TAF1: variants seen among roughly 807,000 people sequenced by gnomAD.
The protein encoded by TAF1 is transcription initiation factor TFIID subunit 1.
Under a neutral mutation model 138.5 loss-of-function variants are expected in TAF1, and 2 were observed. The observed-to-expected ratio is 0.01, with a 90% CI of 0.01 to 0.05. The LOEUF (loss-of-function observed/expected upper bound fraction) is 0.05, where lower values mean the gene tolerates loss of function less well. TAF1 is among the 10% of genes least tolerant of loss of function. The probability of loss-of-function intolerance (pLI) is 1.00; values close to 1 mark genes in which losing one functional copy is unlikely to be tolerated. For synonymous variants in TAF1, 437 were observed against 503.2 expected (o/e 0.87, Z 1.76); for missense variants, 709 against 1,478.0 (o/e 0.48, Z 8.53).
intron 13 of TAF1, chrX:71,491,749 C>T (rs2039289559): frequency 9.4e-6 from 1 of 106,706 alleles, no homozygotes; most frequent in African/African-American, 3.5e-5. Context: ...GCAAGCTCCA[C>T]CTCCCAGGTT....
chrX:71,499,871 C>A (rs1486522603), intron 13 of TAF1, among the ~76,000 whole-genome samples: 1 of 111,899 alleles, frequency 8.9e-6, no homozygotes. Context: ...CAAGTGAGAT[C>A]GAAGGTTTGC....
intron 32 of TAF1, among the ~76,000 whole-genome samples, chrX:71,443,027 T>C (rs2037507555): frequency 8.9e-6 from 1 of 112,047 alleles, no homozygotes; most frequent in South Asian, 3.7e-4. Flanking sequence ...TCTGTATCTG[T>C]TTTGGTACCA....
rs955031945 is a variant in TAF1, at chrX:71,459,858, T to C, written c.5221+150T>C. ...TAATAGACCTGAGAGTACTGAGCAC[T>C]CAGGCGTAGGATGATCATATTCATT... On this transcript the variant is annotated intron_variant, in intron 36 of 37. Transcript: ENST00000423759. 12 of 1,010,291 alleles carry C rather than the reference T, an allele frequency of 1.2e-5. No homozygotes were observed. In the African/African-American group the frequency reaches 2.3e-4, roughly 20 times the overall value. 83.3% of individuals were successfully genotyped at this position (1,010,291 alleles called of 1,213,427 possible). A position where few individuals can be genotyped will look rare whatever the true frequency, so the allele number is the denominator to read the frequency against.
chrX:71,430,079 T>A (rs1487025384), intron 32 of TAF1, among the ~76,000 whole-genome samples: 1 of 111,666 alleles, frequency 9.0e-6, no homozygotes, highest in East Asian at 2.8e-4. Context: ...TAGGAAATTG[T>A]TTAAAAAATG....
At chrX:71,457,196 A>G (rs952982151) in intron 34 of TAF1, among the ~76,000 whole-genome samples, 2 of 112,107 alleles carry the variant, frequency 1.8e-5, no homozygotes, top group East Asian at 5.5e-4. Context: ...CCTCTTCTGA[A>G]TCAGTTTTGT....
intron 25 of TAF1, among the ~76,000 whole-genome samples, chrX:71,406,416 T>G (rs1210301537): frequency 9.1e-6 from 1 of 109,862 alleles, no homozygotes; most frequent in Non-Finnish European, 1.9e-5. Flanking sequence ...AATAGGAAAC[T>G]GAGGTAAAAT....
chrX:71,524,752 C>T (rs1293931647), intron 13 of TAF1, among the ~76,000 whole-genome samples: 6 of 109,346 alleles, frequency 5.5e-5, no homozygotes, highest in African/African-American at 1.7e-4. Flanking sequence ...ACCAGCCTGG[C>T]CAACATGGTG....
chrX:71,447,689 A>G (rs191810440), intron 32 of TAF1, among the ~76,000 whole-genome samples: 131 of 102,227 alleles, frequency 1.3e-3, no homozygotes, highest in African/African-American at 4.5e-3. Context: ...AGAGCGAGAC[A>G]CTGTGTCAAA....
rs753581093 is a variant in TAF1 at position 71,458,154 on chromosome X, T to G, written c.4939-87T>G. On this transcript the variant is annotated intron_variant, in intron 34 of 37. Transcript: ENST00000423759. ...AACTGAATTGCTCTGCATGATCTTT[T>G]TCTCCAGTAAATGCCTTAAAGGGGA... 8.0e-5 allele frequency: 87 copies of G among 1,081,275 alleles called. No homozygotes were observed. The African/African-American group carries it at 1.5e-3, about 18-fold the overall frequency. 89.1% of individuals were successfully genotyped at this position (1,081,275 alleles called of 1,213,427 possible). A position where few individuals can be genotyped will look rare whatever the true frequency, so the allele number is the denominator to read the frequency against.
intron 32 of TAF1, among the ~76,000 whole-genome samples, chrX:71,440,885 T>C (rs1297224310): frequency 9.0e-6 from 1 of 111,231 alleles, no homozygotes; most frequent in Non-Finnish European, 1.9e-5. Flanking sequence ...CATCTTTTCA[T>C]GTGCCATCTG....
At chrX:71,375,391 A>G in intron 4 of TAF1, 105 bp downstream of exon 4, 1 of 1,002,710 alleles carries the variant, frequency 1.0e-6, no homozygotes, top group East Asian at 3.4e-5. Context: ...ATGAAGGGAC[A>G]AAACTTCTAG....
In TAF1 at chrX:71,463,984, G is replaced by A. The variant is rs1406838285; in HGVS notation, c.5560G>A (p.Glu1854Lys). The A allele has an allele frequency of 8.3e-7, 1 of 1,202,311 alleles. No homozygotes were observed. The highest frequency in any genetic ancestry group is 1.1e-6 in the Non-Finnish European group (1 of 890,514). The change falls in exon 38 of 38, where the codon GAG becomes AAG. Residue 1854 changes from glutamate to lysine, a missense_variant. Glu to Lys is a moderately conservative substitution (Grantham distance 56, BLOSUM62 1). This residue lies in a region of TAF1 where 123 missense variants were observed against 174.7 expected (regional missense o/e 0.70). Coordinates refer to ENST00000423759, the MANE Select transcript of TAF1 (RefSeq NM_004606.5). Reference protein sequence around the residue: ...VLSQVHLSEDEEDSEDFHSIA... With the variant: ...VLSQVHLSEDKEDSEDFHSIA... Reference sequence around the variant, plus strand: ...AAGCCAGGTCCACCTGTCAGAGGACGAGGAGGACAGTGAGGATTTCCACTC... The same window carrying A: ...AAGCCAGGTCCACCTGTCAGAGGACAAGGAGGACAGTGAGGATTTCCACTC...
chrX:71,490,906 G>A (rs1213025161), intron 13 of TAF1, among the ~76,000 whole-genome samples: 1 of 109,504 alleles, frequency 9.1e-6, no homozygotes, highest in East Asian at 2.8e-4. Context: ...TAGTAGAGAT[G>A]GGGTTTCGCC....
At chrX:71,432,986 T>C (rs971588053) in intron 32 of TAF1, among the ~76,000 whole-genome samples, 3 of 112,228 alleles carry the variant, frequency 2.7e-5, no homozygotes, top group Non-Finnish European at 5.6e-5. Context: ...CCTTCTGCAT[T>C]ACCTAGTTTT....
intron 13 of TAF1, among the ~76,000 whole-genome samples, chrX:71,505,852 C>A (rs2039611719): frequency 9.0e-6 from 1 of 110,611 alleles, no homozygotes; most frequent in African/African-American, 3.3e-5. Flanking sequence ...GAAACCCCAT[C>A]TCTACTAAAA....
At position 71,407,690 on chromosome X, in the gene TAF1, G is replaced by C. The variant is rs1469150487; in HGVS notation, c.4206+18G>C. 8.5e-7 allele frequency: 1 copy of C among 1,179,737 alleles called. No homozygotes were observed. The highest frequency in any genetic ancestry group is 1.2e-6 in the Non-Finnish European group (1 of 866,323). Reference sequence around the variant, plus strand: ...TTCCAAATGTGAGTTCATTGCATTGGATATCTATAGTAGGGATGTCAAGGC... The same window carrying C: ...TTCCAAATGTGAGTTCATTGCATTGCATATCTATAGTAGGGATGTCAAGGC... On this transcript the variant is annotated intron_variant, in intron 27 of 37. Transcript: ENST00000423759.
chrX:71,385,091 T>A, intron 14 of TAF1, 42 bp downstream of exon 14: 1 of 1,039,514 alleles, frequency 9.6e-7, no homozygotes, highest in Non-Finnish European at 1.3e-6. Context: ...CTAAGGAAAT[T>A]GATAAATGAG....
At chrX:71,459,729 C>T in intron 36 of TAF1, 21 bp downstream of exon 36, 1 of 1,208,421 alleles carries the variant, frequency 8.3e-7, no homozygotes, top group South Asian at 1.8e-5. Flanking sequence ...ACCATTGCTT[C>T]TATTCCTTTA....
At chrX:71,424,326 T>G in intron 32 of TAF1, 88 bp downstream of exon 32, 2 of 758,127 alleles carry the variant, frequency 2.6e-6, no homozygotes, top group Non-Finnish European at 1.9e-6. Context: ...AATTTTTTTT[T>G]GAGACAGGAT....
Sources: gnomAD v4.1 joint callset for allele counts (sites outside exome capture counted in the v4.1 genomes callset) on GRCh38, gnomAD v4.1.1 for gene constraint, gnomAD v4.1.1 regional missense constraint, MANE v1.5 for transcripts, NCBI Gene and HGNC (gene_info 2026-07-23, HGNC 2026-07-21) for gene names.